SNX19: variants seen among roughly 807,000 people sequenced by gnomAD.
SNX19 encodes the protein sorting nexin 19, also known as sorting nexin-19.
SNX19 carries 60 observed loss-of-function variants against 85.2 expected under a neutral mutation model. The ratio of observed to expected loss-of-function variants is 0.70; its 90% CI spans 0.57 to 0.87. The LOEUF is 0.87. Among genes scored for constraint, SNX19 ranks in the 40% least tolerant of loss-of-function variants. The probability of loss-of-function intolerance (pLI) is 0.00; values close to 1 mark genes in which losing one functional copy is unlikely to be tolerated. For missense variants in SNX19, 1,201 were observed against 1,217.8 expected (o/e 0.99, Z 0.21); for synonymous variants, 520 against 470.0 (o/e 1.11, Z -1.38).
rs1592255186 is a variant in SNX19, at chr11:130,866,980, A to C, written c.*11442T>G. ...TGAGGAAAGCTCTATTCTTATGAGC[A>C]TTTAATGGACAAGGAAACTAAGCCA... On this transcript the variant is annotated 3_prime_UTR_variant, in exon 11 of 11. Transcript: ENST00000265909. 6.6e-6 allele frequency: 1 copy of C among 152,294 alleles called. No individual in the cohort carries two copies. Among genetic ancestry groups the C allele is most frequent in the South Asian group, 2.1e-4 (1 of 4,828 alleles). 9.4% of individuals were successfully genotyped at this position (152,294 alleles called of 1,614,324 possible).
At chr11:130,911,194 C>CAAAAA (rs540152421) in intron 2 of SNX19, among the ~76,000 whole-genome samples, 1 of 81,062 alleles carries the variant, frequency 1.2e-5, no homozygotes, top group Non-Finnish European at 2.3e-5. Flanking sequence ...GACTCCATGT[C>CAAAAA]AAAAAAAAAA....
Position 130,911,723 on chromosome 11 carries a change from C to T in SNX19, c.1723G>A (p.Ala575Thr). Residue 575 changes from alanine to threonine, a missense_variant, in exon 2 of 11, where the codon GCC becomes ACC. Physicochemically the swap from Ala to Thr is moderately conservative, Grantham distance 58 (BLOSUM62 0). Coordinates refer to ENST00000265909, the MANE Select transcript of SNX19 (RefSeq NM_014758.3). ...GENSSGLQQLAYHTVNRRYRE... is the reference protein window; with the variant it reads ...GENSSGLQQLTYHTVNRRYRE... ...TAGCGACGATTCACAGTGTGGTAGG[C>T]CAGCTGCTGCAGGCCGCTGCTGTTT... 4 of 1,614,192 alleles carry T rather than the reference C, an allele frequency of 2.5e-6. No homozygotes were observed. Among genetic ancestry groups the T allele is most frequent in the Non-Finnish European group, 3.4e-6 (4 of 1,180,044 alleles).
At chr11:130,910,220 T>C (rs1265141317) in intron 3 of SNX19, 50 bp downstream of exon 3, 2 of 1,611,782 alleles carry the variant, frequency 1.2e-6, no homozygotes, top group South Asian at 1.1e-5. Context: ...GTTCTGGGGT[T>C]AGACACCCAG....
At chr11:130,903,878 T>C (rs1253465984) in intron 7 of SNX19, among the ~76,000 whole-genome samples, 1 of 151,994 alleles carries the variant, frequency 6.6e-6, no homozygotes, top group Non-Finnish European at 1.5e-5. Flanking sequence ...CTTTCCAACC[T>C]TGCATTCCAC....
chr11:130,898,075 G>A (rs984182468), intron 8 of SNX19, among the ~76,000 whole-genome samples: 4 of 151,842 alleles, frequency 2.6e-5, no homozygotes, highest in African/African-American at 9.7e-5. Flanking sequence ...AATCAACGGA[G>A]ATTTATAAGC....
chr11:130,883,636 T>G (rs1565510359), intron 8 of SNX19, among the ~76,000 whole-genome samples: 1 of 152,214 alleles, frequency 6.6e-6, no homozygotes, highest in Non-Finnish European at 1.5e-5. Context: ...CTCTCTTTCC[T>G]GGATTCTCCT....
intron 8 of SNX19, among the ~76,000 whole-genome samples, chr11:130,888,473 C>T (rs2135313525): frequency 6.6e-6 from 1 of 152,254 alleles, no homozygotes; most frequent in Admixed American, 6.5e-5. Context: ...CCATTCTGTC[C>T]ATATGGATAT....
intron 7 of SNX19, among the ~76,000 whole-genome samples, chr11:130,904,078 C>T (rs1032579437): frequency 6.6e-5 from 10 of 152,174 alleles, no homozygotes; most frequent in Admixed American, 5.9e-4. Flanking sequence ...ACAATTACTA[C>T]GTTCTTTCCT....
At position 130,876,657 on chromosome 11, in the gene SNX19, T is replaced by C. The variant is rs1943272751; in HGVS notation, c.*1765A>G. 1 of 152,652 alleles carries C rather than the reference T, an allele frequency of 6.6e-6. No homozygotes were observed. Among genetic ancestry groups the C allele is most frequent in the African/African-American group, 2.4e-5 (1 of 41,454 alleles). The allele number at this position is 152,652 out of a possible 1,614,324, so 9.5% of individuals were successfully genotyped here. A position where few individuals can be genotyped will look rare whatever the true frequency, so the allele number is the denominator to read the frequency against. The stretch of plus-strand genomic sequence containing the variant: ...AAACAAGGCTGTCCCCCTATGCTCA[T>C]CGAGAATAGGATCTTAGCCCTCACT... On this transcript the variant is annotated 3_prime_UTR_variant, in exon 11 of 11. Coordinates refer to ENST00000265909, the MANE Select transcript of SNX19 (RefSeq NM_014758.3).
Position 130,915,663 on chromosome 11 carries a change from C to T in SNX19, c.277G>A (p.Glu93Lys). 1.9e-6 allele frequency: 3 copies of T among 1,614,252 alleles called. No individual in the cohort carries two copies. In the South Asian group the frequency reaches 3.3e-5, roughly 18 times the overall value. The change falls in exon 1 of 11, where the codon GAG becomes AAG. Residue 93 changes from glutamate to lysine, a missense_variant. Physicochemically the swap from Glu to Lys is moderately conservative, Grantham distance 56. Around this residue, in one of 3 missense-constraint regions of SNX19, gnomAD observed 791 missense variants for 750.9 expected, o/e 1.05. Transcript: ENST00000265909. ...IPLATCPPCP[E>K]AERQLEREIN... ...TCCCGTTCCAGCTGCCTTTCTGCCT[C>T]AGGGCATGGAGGACAGGTGGCCAAC...
intron 8 of SNX19, among the ~76,000 whole-genome samples, chr11:130,902,840 G>A (rs559473036): frequency 6.6e-6 from 1 of 152,304 alleles, no homozygotes; most frequent in East Asian, 1.9e-4. Flanking sequence ...TTTATTTCAA[G>A]AGCACTGATC....
At position 130,867,770 on chromosome 11, in the gene SNX19, A is replaced by C. The variant is rs1456409821; in HGVS notation, c.*10652T>G. ...AGAGACAGCTTCTGCTCCCTATCTGATATTACCAAGCTGGACAGCATCTTT... is the reference window on the plus strand; with the variant it reads ...AGAGACAGCTTCTGCTCCCTATCTGCTATTACCAAGCTGGACAGCATCTTT... On this transcript the variant is annotated 3_prime_UTR_variant, in exon 11 of 11. Coordinates refer to ENST00000265909, the MANE Select transcript of SNX19 (RefSeq NM_014758.3). 6.6e-6 allele frequency: 1 copy of C among 152,150 alleles called. No individual in the cohort carries two copies. Among genetic ancestry groups the C allele is most frequent in the African/African-American group, 2.4e-5 (1 of 41,420 alleles). 9.4% of individuals were successfully genotyped at this position (152,150 alleles called of 1,614,324 possible).
intron 8 of SNX19, among the ~76,000 whole-genome samples, chr11:130,898,192 A>G (rs1221158117): frequency 1.3e-5 from 2 of 150,842 alleles, no homozygotes; most frequent in African/African-American, 4.9e-5. Flanking sequence ...GTGTGCTTAT[A>G]ATTTGACAGA....
At chr11:130,895,039 G>A in intron 8 of SNX19, 2 of 985,418 alleles carry the variant, frequency 2.0e-6, no homozygotes, top group Non-Finnish European at 2.4e-6. Context: ...CCAAGTTCTT[G>A]CTTTCCATGT....
intron 8 of SNX19, among the ~76,000 whole-genome samples, chr11:130,897,958 G>A (rs1021062093): frequency 6.6e-6 from 1 of 152,166 alleles, no homozygotes; most frequent in African/African-American, 2.4e-5. Context: ...GCTGACACAT[G>A]AGGTTAGGCG....
chr11:130,882,295 GCAC>G (rs1403290488), intron 8 of SNX19, among the ~76,000 whole-genome samples: 1 of 152,172 alleles, frequency 6.6e-6, no homozygotes, highest in Non-Finnish European at 1.5e-5. Context: ...GTTTGATCCT[GCAC>G]CACATGGCAG....
At chr11:130,897,515 C>T (rs1271237600) in intron 8 of SNX19, among the ~76,000 whole-genome samples, 1 of 152,164 alleles carries the variant, frequency 6.6e-6, no homozygotes, top group Non-Finnish European at 1.5e-5. Context: ...GCGCCGCGGA[C>T]GTGGCATTCA....
intron 1 of SNX19, 27 bp from the exon 2 acceptor site, chr11:130,911,798 C>A: frequency 6.2e-7 from 1 of 1,608,804 alleles, no homozygotes; most frequent in Non-Finnish European, 8.5e-7. Context: ...TTGATTGACT[C>A]AATCAGCCGG....
At chr11:130,882,372 G>A (rs1225204662) in intron 8 of SNX19, among the ~76,000 whole-genome samples, 2 of 152,220 alleles carry the variant, frequency 1.3e-5, no homozygotes, top group African/African-American at 2.4e-5. Flanking sequence ...AGCAGAGGGG[G>A]CTGCCAAGGC....
Sources: gnomAD v4.1 joint callset for allele counts (sites outside exome capture counted in the v4.1 genomes callset) on GRCh38, gnomAD v4.1.1 for gene constraint, gnomAD v4.1.1 regional missense constraint, MANE v1.5 for transcripts, NCBI Gene and HGNC (gene_info 2026-07-23, HGNC 2026-07-21) for gene names.